The following INTS9 variants were observed in gnomAD, a reference collection of about 807,000 sequenced individuals.
The protein encoded by INTS9 is protein related to CPSF subunits of 74 kDa.
A neutral mutation model predicts 79.7 loss-of-function variants in INTS9; 55 were observed. That is an observed-to-expected ratio of 0.69 (90% CI 0.56 to 0.86). INTS9 has a LOEUF of 0.86. Among genes scored for constraint, INTS9 ranks in the 40% least tolerant of loss-of-function variants. The pLI, the probability that INTS9 is intolerant of heterozygous loss-of-function variation, is 0.00. For synonymous variants in INTS9, 319 were observed against 325.2 expected (o/e 0.98, Z 0.20); for missense variants, 721 against 831.5 (o/e 0.87, Z 1.64).
At chr8:28,881,177 G>A (rs55653617) in intron 1 of INTS9, among the ~76,000 whole-genome samples, 2 of 133,000 alleles carry the variant, frequency 1.5e-5, no homozygotes, top group Non-Finnish European at 3.3e-5. Context: ...GGTGAGGGGC[G>A]CCTCTGCCCG....
chr8:28,833,388 G>A (rs1231844746), intron 6 of INTS9, among the ~76,000 whole-genome samples: 1 of 151,962 alleles, frequency 6.6e-6, no homozygotes. Flanking sequence ...TTGGGAGGTC[G>A]AGGTGGGTGG....
At chr8:28,776,462 T>G in intron 13 of INTS9, among the ~76,000 whole-genome samples, 1 of 150,440 alleles carries the variant, frequency 6.6e-6, no homozygotes, top group Admixed American at 6.6e-5. Context: ...AAACAAAATG[T>G]CTCTTTTTGT....
Position 28,845,924 on chromosome 8 carries a change from A to C in INTS9, c.261+823T>G, listed in dbSNP as rs374222718. 7.2e-5 allele frequency among the ~76,000 whole-genome samples: 11 copies of C among 152,380 alleles called. No homozygotes were observed. In the East Asian group the frequency reaches 9.6e-4, roughly 13 times the overall value. On this transcript the variant is annotated intron_variant, in intron 4 of 16. Transcript: ENST00000521022. ...AATGTTGATCTACAGGATATTAAAC[A>C]AAGTGTAGAAATGGAAAGAGAAGGA...
intron 8 of INTS9, chr8:28,810,094 T>C (rs1165772667): frequency 6.6e-6 from 1 of 152,238 alleles, no homozygotes; most frequent in Non-Finnish European, 1.5e-5. Context: ...TTACTGATAG[T>C]GCTCTAACAT....
chr8:28,879,826 A>G (rs964491186), intron 1 of INTS9, among the ~76,000 whole-genome samples: 9 of 152,194 alleles, frequency 5.9e-5, no homozygotes, highest in South Asian at 2.1e-4. Flanking sequence ...AAAAGACCCC[A>G]TATCAAATGA....
intron 1 of INTS9, among the ~76,000 whole-genome samples, chr8:28,881,132 T>C (rs1312724027): frequency 1.6e-5 from 2 of 124,266 alleles, no homozygotes; most frequent in African/African-American, 3.2e-5. Flanking sequence ...GGTGGGGGGG[T>C]CAGCCCCCCG....
intron 1 of INTS9, among the ~76,000 whole-genome samples, chr8:28,879,006 A>G (rs942635608): frequency 1.3e-5 from 2 of 152,074 alleles, no homozygotes; most frequent in African/African-American, 2.4e-5. Context: ...AAGAGGAAAT[A>G]ATACTAATTC....
Position 28,768,180 on chromosome 8 carries a change from C to T in INTS9, c.1943G>A (p.Arg648Gln), listed in dbSNP as rs747865935. 3.7e-5 allele frequency: 60 copies of T among 1,614,024 alleles called. No homozygotes were observed. Among genetic ancestry groups the T allele is most frequent in the Non-Finnish European group, 4.6e-5 (54 of 1,180,052 alleles). The stretch of plus-strand genomic sequence containing the variant: ...CTGTAAGAATTTGAGGACAAGGTCC[C>T]GCAGTCGCACTCTGAGCATCTCGTC... Reference protein sequence around the residue: ...DNDEMLRVRLRDLVLKFLQKF With the variant: ...DNDEMLRVRLQDLVLKFLQKF The change falls in exon 17 of 17, where the codon CGG (arginine) becomes CAG (glutamine). Residue 648 changes from arginine (R) to glutamine (Q), a missense_variant. This residue lies in a region of INTS9 where 281 missense variants were observed against 300.8 expected (regional missense o/e 0.93). Coordinates refer to ENST00000521022, the MANE Select transcript of INTS9 (RefSeq NM_018250.4).
intron 6 of INTS9, among the ~76,000 whole-genome samples, chr8:28,814,296 ACACACAC>A (rs1805340075): frequency 9.1e-6 from 1 of 109,888 alleles, no homozygotes; most frequent in African/African-American, 3.0e-5. Context: ...ACACACACAC[ACACACAC>A]ACACACACAC....
chr8:28,795,413 G>T (rs28674701), intron 9 of INTS9, among the ~76,000 whole-genome samples: 1 of 151,944 alleles, frequency 6.6e-6, no homozygotes, highest in Admixed American at 6.6e-5. Flanking sequence ...AGGCCGAGGC[G>T]GACGGATCAT....
At position 28,874,350 on chromosome 8, in the gene INTS9, C is replaced by T. The variant is rs368759660; in HGVS notation, c.10-14787G>A. ...TGTCACCCAAGCTGGAGTGCAGTGG[C>T]GTGACCTCGGCTCACTGCAAGCTCC... On this transcript the variant is annotated intron_variant, in intron 1 of 16. Transcript: ENST00000521022. Among the ~76,000 whole-genome samples, 60 of 151,130 alleles carry T rather than the reference C, an allele frequency of 4.0e-4. No homozygotes were observed. In the East Asian group the frequency reaches 4.1e-3, roughly 10 times the overall value.
chr8:28,838,490 C>T (rs1268043819), intron 4 of INTS9, among the ~76,000 whole-genome samples: 1 of 151,996 alleles, frequency 6.6e-6, no homozygotes, highest in African/African-American at 2.4e-5. Flanking sequence ...AAAATTTTTC[C>T]ATATATTTAA....
intron 4 of INTS9, among the ~76,000 whole-genome samples, chr8:28,839,583 C>A (rs1330005165): frequency 6.6e-6 from 1 of 151,934 alleles, no homozygotes; most frequent in Non-Finnish European, 1.5e-5. Context: ...GTACTGGTAC[C>A]AAAACAGAGA....
intron 8 of INTS9, among the ~76,000 whole-genome samples, chr8:28,799,959 A>T (rs1180747170): frequency 1.3e-5 from 2 of 152,060 alleles, no homozygotes; most frequent in East Asian, 3.9e-4. Flanking sequence ...AGCCTGGGTC[A>T]CTCACTGCCT....
At chr8:28,879,276 C>A (rs1302497556) in intron 1 of INTS9, among the ~76,000 whole-genome samples, 1 of 151,716 alleles carries the variant, frequency 6.6e-6, no homozygotes, top group Non-Finnish European at 1.5e-5. Flanking sequence ...GTTTAACATT[C>A]AAAATTCAAT....
intron 6 of INTS9, among the ~76,000 whole-genome samples, chr8:28,831,291 A>T (rs1180706140): frequency 6.6e-6 from 1 of 152,118 alleles, no homozygotes; most frequent in Non-Finnish European, 1.5e-5. Flanking sequence ...AACAACACAC[A>T]CTGGGGCCTC....
intron 15 of INTS9, 40 bp from the exon 16 acceptor site, chr8:28,770,066 T>G: frequency 1.2e-6 from 2 of 1,605,114 alleles, no homozygotes; most frequent in Non-Finnish European, 1.7e-6. Flanking sequence ...GAGCTTCCTC[T>G]GAGCAGCAGG....
intron 11 of INTS9, among the ~76,000 whole-genome samples, chr8:28,786,136 A>G (rs1803573711): frequency 6.6e-6 from 1 of 152,030 alleles, no homozygotes; most frequent in African/African-American, 2.4e-5. Context: ...TTTCACTCAC[A>G]TTATGTTTGT....
chr8:28,786,308 G>T (rs1416480304), intron 11 of INTS9, among the ~76,000 whole-genome samples: 1 of 151,376 alleles, frequency 6.6e-6, no homozygotes, highest in Admixed American at 6.6e-5. Flanking sequence ...TTGAGACAGG[G>T]TCTTGCTCTG....
Sources: gnomAD v4.1 joint callset for allele counts (sites outside exome capture counted in the v4.1 genomes callset) on GRCh38, gnomAD v4.1.1 for gene constraint, gnomAD v4.1.1 regional missense constraint, MANE v1.5 for transcripts, NCBI Gene and HGNC (gene_info 2026-07-23, HGNC 2026-07-21) for gene names.